The following EMSY variants were observed in gnomAD, a reference collection of about 807,000 sequenced individuals.
EMSY encodes the protein BRCA2-interacting transcriptional repressor EMSY.
Under a neutral mutation model 134.6 loss-of-function variants are expected in EMSY, and 26 were observed. The observed-to-expected ratio is 0.19, with a 90% CI of 0.14 to 0.27. EMSY has a LOEUF of 0.27. Ranked by LOEUF, EMSY falls within the 10% of genes least tolerant of loss-of-function variation. The pLI is 1.00. For missense variants in EMSY, 1,305 were observed against 1,611.4 expected, an observed-to-expected ratio of 0.81 and a Z score of 3.26; for synonymous variants, 579 against 577.8, an observed-to-expected ratio of 1.00 and a Z score of -0.03.
chr11:76,446,328 T>C (rs1947396572), intron 1 of EMSY, among the ~76,000 whole-genome samples: 1 of 58,992 alleles, frequency 1.7e-5, no homozygotes, highest in South Asian at 6.5e-4. Flanking sequence ...TGTGTGTATA[T>C]ATATATGTAT....
At chr11:76,496,981 A>G (rs1247730881) in intron 9 of EMSY, 2 of 191,862 alleles carry the variant, frequency 1.0e-5, no homozygotes, top group African/African-American at 4.8e-5. Flanking sequence ...AATCTTAAGG[A>G]GAAAACATTC....
At chr11:76,454,829 G>T in intron 4 of EMSY, 39 bp downstream of exon 5, 1 of 1,364,636 alleles carries the variant, frequency 7.3e-7, no homozygotes, top group Non-Finnish European at 9.9e-7. Flanking sequence ...GCTTTTTCTT[G>T]TATTTATTTC....
At chr11:76,511,557 G>A (rs927545097) in intron 9 of EMSY, among the ~76,000 whole-genome samples, 7 of 151,958 alleles carry the variant, frequency 4.6e-5, no homozygotes, top group African/African-American at 7.3e-5. Context: ...AAAATTAGCC[G>A]GGCATGATGA....
exon 21 of EMSY, chr11:76,549,958 C>T (rs1951789260): frequency 6.2e-7 from 1 of 1,608,508 alleles, no homozygotes; most frequent in African/African-American, 1.3e-5. Context: ...CCAGGCTATT[C>T]CTCAGTATGC....
chr11:76,516,044 A>G, intron 10 of EMSY, 98 bp from the exon 12 acceptor site: 1 of 1,050,902 alleles, frequency 9.5e-7, no homozygotes, highest in Non-Finnish European at 1.4e-6. Context: ...TTCAAGTTAT[A>G]GCAATGTAGA....
intron 11 of EMSY, among the ~76,000 whole-genome samples, chr11:76,522,652 C>T (rs765437666): frequency 6.6e-5 from 10 of 152,072 alleles, no homozygotes; most frequent in African/African-American, 9.7e-5. Context: ...TGAGCCACCA[C>T]GCCTGGCCTA....
chr11:76,509,285 G>C (rs1950189095), intron 9 of EMSY, among the ~76,000 whole-genome samples: 1 of 152,004 alleles, frequency 6.6e-6, no homozygotes, highest in Non-Finnish European at 1.5e-5. Flanking sequence ...CGGAGGTCAG[G>C]AGTTCGAGAC....
chr11:76,518,884 C>T (rs375993759), intron 11 of EMSY, among the ~76,000 whole-genome samples: 5 of 114,044 alleles, frequency 4.4e-5, no homozygotes, highest in Admixed American at 9.4e-5. Flanking sequence ...GTGTGTGTGT[C>T]ATTATAAATA....
intron 11 of EMSY, among the ~76,000 whole-genome samples, chr11:76,518,703 A>ATATATATATATATATT (rs57143914): frequency 7.5e-4 from 97 of 130,178 alleles, no homozygotes; most frequent in Middle Eastern, 4.1e-3. Context: ...ATATATATAT[A>ATATATATATATATATT]TTTTTTTTTT....
intron 8 of EMSY, among the ~76,000 whole-genome samples, chr11:76,490,454 T>C (rs1590877326): frequency 1.3e-5 from 2 of 152,232 alleles, no homozygotes; most frequent in Non-Finnish European, 2.9e-5. Context: ...AAAATTACTA[T>C]TGGTTGAGAA....
Position 76,507,859 on chromosome 11 carries a change from CTTTTTCTTTT to C in EMSY, c.1364-5521_1364-5512del, listed in dbSNP as rs1565328831. On this transcript the variant is annotated intron_variant, in intron 9 of 20. Transcript: ENST00000334736. ...TGCATTTTTTTTTCTTTTTCTTTTT[CTTTTTCTTTT>C]TTTTTTTTTTCTTTTTTTTGAGACA... Among the ~76,000 whole-genome samples the C allele has an allele frequency of 2.7e-5, 3 of 111,484 alleles. No homozygotes were observed. In the Admixed American group the frequency reaches 4.1e-4, roughly 15 times the overall value. 73.1% of individuals were successfully genotyped at this position (111,484 alleles called of 152,430 possible). A position where few individuals can be genotyped will look rare whatever the true frequency, so the allele number is the denominator to read the frequency against.
chr11:76,474,085 C>T (rs1420869037), intron 8 of EMSY, among the ~76,000 whole-genome samples: 1 of 142,818 alleles, frequency 7.0e-6, no homozygotes, highest in Non-Finnish European at 1.5e-5. Context: ...AGCTGAGATC[C>T]AGTCCTGGTG....
intron 14 of EMSY, among the ~76,000 whole-genome samples, chr11:76,530,886 A>G (rs1235268822): frequency 1.3e-5 from 2 of 152,186 alleles, no homozygotes; most frequent in African/African-American, 2.4e-5. Flanking sequence ...TTTCTGTTAC[A>G]TTGTTGCTTT....
chr11:76,446,323 G>GTA (rs1491440761), intron 1 of EMSY, among the ~76,000 whole-genome samples: 1 of 57,996 alleles, frequency 1.7e-5, no homozygotes, highest in African/African-American at 6.9e-5. Context: ...GTGTGTGTGT[G>GTA]TATATATATA....
intron 8 of EMSY, among the ~76,000 whole-genome samples, chr11:76,476,259 G>A (rs1224973304): frequency 6.6e-6 from 1 of 152,174 alleles, no homozygotes; most frequent in South Asian, 2.1e-4. Flanking sequence ...GACACATAAT[G>A]TCTGTTTTTT....
chr11:76,507,745 A>G (rs1179804673), intron 9 of EMSY, among the ~76,000 whole-genome samples: 2 of 152,180 alleles, frequency 1.3e-5, no homozygotes, highest in African/African-American at 4.8e-5. Flanking sequence ...AATGTTCTGA[A>G]TGCATCTAGA....
intron 8 of EMSY, among the ~76,000 whole-genome samples, chr11:76,485,600 G>A (rs914935691): frequency 3.3e-5 from 5 of 152,104 alleles, no homozygotes; most frequent in Non-Finnish European, 7.3e-5. Context: ...ATACTGAATG[G>A]GCAAAAGCTG....
At chr11:76,515,928 T>TA (rs1396157608) in intron 10 of EMSY, among the ~76,000 whole-genome samples, 1 of 152,212 alleles carries the variant, frequency 6.6e-6, no homozygotes, top group Non-Finnish European at 1.5e-5. Flanking sequence ...CACAAAATTT[T>TA]ATGTGTAAAA....
At chr11:76,456,265 C>T (rs1268547295) in intron 4 of EMSY, among the ~76,000 whole-genome samples, 1 of 152,168 alleles carries the variant, frequency 6.6e-6, no homozygotes, top group Non-Finnish European at 1.5e-5. Flanking sequence ...TAATTTTTCA[C>T]TCAAAGTTTG....
Sources: allele counts gnomAD v4.1 joint callset (sites outside exome capture counted in the v4.1 genomes callset), GRCh38; gene constraint gnomAD v4.1.1; transcripts MANE v1.5; gene names NCBI Gene and HGNC (gene_info 2026-07-23, HGNC 2026-07-21).